Variants in RABGGTB observed in about 807,000 individuals in gnomAD.
RABGGTB encodes the protein geranylgeranyl transferase type-2 subunit beta.
Under a neutral mutation model 44.5 loss-of-function variants are expected in RABGGTB, and 20 were observed. The observed-to-expected ratio is 0.45, with a 90% CI of 0.32 to 0.65. The LOEUF (loss-of-function observed/expected upper bound fraction) is 0.65, where lower values mean the gene tolerates loss of function less well. RABGGTB is among the 30% of genes least tolerant of loss of function. The pLI is 0.05. For missense variants in RABGGTB, 302 were observed against 398.7 expected (o/e 0.76, Z 2.06); for synonymous variants, 128 against 136.7 (o/e 0.94, Z 0.44).
chr1:75,794,356 T>C, intron 8 of RABGGTB, 123 bp downstream of exon 8: 12 of 1,337,078 alleles, frequency 9.0e-6, no homozygotes, highest in Non-Finnish European at 1.0e-5. Context: ...TTTCTATTTA[T>C]TGTAGAGTGT....
chr1:75,789,165 T>C lies in RABGGTB; in HGVS notation c.118T>C (p.Cys40Arg). The C allele has an allele frequency of 6.2e-7, 1 of 1,613,336 alleles. No individual in the cohort carries two copies. Among genetic ancestry groups the C allele is most frequent in the Non-Finnish European group, 8.5e-7 (1 of 1,179,314 alleles). Residue 40 changes from cysteine (C) to arginine (R), a missense_variant, in exon 3 of 9, where the codon TGT (cysteine) becomes CGT (arginine). Physicochemically the swap from Cys to Arg is radical, Grantham distance 180. Transcript: ENST00000319942. Reference protein sequence around the residue: ...YGSKKDDYEYCMSEYLRMSGI... With the variant: ...YGSKKDDYEYRMSEYLRMSGI... ...AAATTGTGTATTATTTTAGGAATAC[T>C]GTATGTCTGAGTATTTGAGAATGAG...
chr1:75,791,584 T>G lies in RABGGTB; in HGVS notation c.579+13T>G. On this transcript the variant is annotated intron_variant, in intron 6 of 8. Coordinates refer to ENST00000319942, the MANE Select transcript of RABGGTB (RefSeq NM_004582.4). ...CCATGCTGGGCAGGTAATTTATGAA[T>G]ACAGATGAAAATGTATTGTCATTTT... 6.3e-7 allele frequency: 1 copy of G among 1,577,620 alleles called. No homozygotes were observed. The highest frequency in any genetic ancestry group is 8.6e-7 in the Non-Finnish European group (1 of 1,157,408).
intron 1 of RABGGTB, chr1:75,787,002 T>C (rs1146636): frequency 0.54 from 262,874 of 483,838 alleles, 75,805 homozygotes; most frequent in African/African-American, 0.72. Flanking sequence ...TGATATTCTA[T>C]GGTGTTTATT....
chr1:75,792,195 A>C lies in RABGGTB; in HGVS notation c.594A>C (p.Thr198=), dbSNP rs758622005. ...ESHAGQIYCC[T]GFLAITSQLH... is the part of the protein sequence containing the mutation. ...TGTAATTTTAGATCTATTGTTGCAC[A>C]GGATTTCTGGCAATTACAAGTCAGT... Residue 198 remains threonine, a synonymous_variant, in exon 7 of 9, where the codon ACA becomes ACC. Transcript: ENST00000319942. 2.5e-6 allele frequency: 4 copies of C among 1,608,386 alleles called. No individual in the cohort carries two copies. The South Asian group carries it at 4.4e-5, about 18-fold the overall frequency.
chr1:75,793,290 T>A (rs150066868), intron 7 of RABGGTB: 1 of 151,468 alleles, frequency 6.6e-6, no homozygotes, highest in Non-Finnish European at 1.5e-5. Flanking sequence ...AGAGATGGGG[T>A]ATCACCATGT....
intron 7 of RABGGTB, 190 bp from the exon 8 acceptor site, chr1:75,793,894 G>A: frequency 7.6e-6 from 4 of 527,748 alleles, no homozygotes; most frequent in Non-Finnish European, 9.6e-6. Context: ...CCCATTAATT[G>A]ATTATCTTTC....
intron 1 of RABGGTB, chr1:75,786,855 G>A (rs1649501600): frequency 3.1e-6 from 1 of 325,766 alleles, no homozygotes. Flanking sequence ...AACTTTTGGG[G>A]TACTTAGAAG....
At chr1:75,793,127 A>G (rs1210642414) in intron 7 of RABGGTB, among the ~76,000 whole-genome samples, 6 of 151,972 alleles carry the variant, frequency 3.9e-5, no homozygotes, top group East Asian at 3.9e-4. Context: ...CTATATTTAA[A>G]TGATTTATAA....
At chr1:75,792,610 G>T (rs1649672530) in intron 7 of RABGGTB, among the ~76,000 whole-genome samples, 1 of 152,100 alleles carries the variant, frequency 6.6e-6, no homozygotes, top group Non-Finnish European at 1.5e-5. Context: ...ATTTTTGTTT[G>T]CAATCTTCTT....
chr1:75,789,839 G>T, intron 3 of RABGGTB, 113 bp from the exon 4 acceptor site: 1 of 751,730 alleles, frequency 1.3e-6, no homozygotes. Flanking sequence ...TTTGAGAAAA[G>T]GTTATATACA....
chr1:75,792,406 A>G, intron 7 of RABGGTB, 100 bp downstream of exon 7: 2 of 1,485,994 alleles, frequency 1.3e-6, no homozygotes, highest in Non-Finnish European at 1.8e-6. Flanking sequence ...CCATGAGCTT[A>G]TTTATTACCT....
intron 6 of RABGGTB, 139 bp downstream of exon 6, chr1:75,791,710 C>T: frequency 1.4e-6 from 1 of 708,444 alleles, no homozygotes; most frequent in Non-Finnish European, 2.3e-6. Flanking sequence ...ATAAGAATTG[C>T]TTAATTGCTA....
At chr1:75,789,403 A>G (rs767160610) in intron 3 of RABGGTB, 47 bp downstream of exon 3, 1 of 1,567,096 alleles carries the variant, frequency 6.4e-7, no homozygotes, top group Admixed American at 1.7e-5. Context: ...ATGTTCTCTT[A>G]CTTCAGAGTT....
chr1:75,786,235 C>A, upstream of RABGGTB: 1 of 1,613,842 alleles, frequency 6.2e-7, no homozygotes. Flanking sequence ...TAAGTCTACC[C>A]AGGAACTGAC....
At chr1:75,791,428 G>C in intron 5 of RABGGTB, 33 bp from the exon 6 acceptor site, 2 of 1,585,368 alleles carry the variant, frequency 1.3e-6, no homozygotes, top group Non-Finnish European at 1.7e-6. Context: ...GAATACTCTG[G>C]AATTTAACAG....
At chr1:75,790,151 G>T (rs759340565) in intron 4 of RABGGTB, 94 bp downstream of exon 4, 1 of 1,561,072 alleles carries the variant, frequency 6.4e-7, no homozygotes, top group Non-Finnish European at 8.6e-7. Flanking sequence ...CATCTTTTCA[G>T]GTCCCACTAA....
At chr1:75,793,494 G>A (rs1478869681) in intron 7 of RABGGTB, 1 of 152,348 alleles carries the variant, frequency 6.6e-6, no homozygotes, top group East Asian at 1.9e-4. Flanking sequence ...AAAGCCTGAG[G>A]AACTGTCAAC....
At position 75,786,281 on chromosome 1, in the gene RABGGTB, G is replaced by A. The variant is rs1649472532; in HGVS notation, c.3+7G>A. ...CCTTTCCCTGTTAGACATGGTAAGT[G>A]TGAGTTTAGCGCTGCTGTCCGGATG... On this transcript the variant is annotated splice_region_variant and intron_variant, in intron 1 of 8. Transcript: ENST00000319942. 3.7e-6 allele frequency: 6 copies of A among 1,614,250 alleles called. No homozygotes were observed. Among genetic ancestry groups the A allele is most frequent in the Non-Finnish European group, 5.1e-6 (6 of 1,180,040 alleles).
intron 6 of RABGGTB, 93 bp from the exon 7 acceptor site, chr1:75,792,086 CTT>C: frequency 1.1e-5 from 12 of 1,114,542 alleles, no homozygotes; most frequent in South Asian, 4.7e-5. Flanking sequence ...AGAAGAAAAA[CTT>C]AAGATATAAA....
Sources: allele counts gnomAD v4.1 joint callset (sites outside exome capture counted in the v4.1 genomes callset), GRCh38; gene constraint gnomAD v4.1.1; transcripts MANE v1.5; gene names NCBI Gene and HGNC (gene_info 2026-07-23, HGNC 2026-07-21).